The following YIPF1 variants were observed in gnomAD, a reference collection of about 807,000 sequenced individuals.
YIPF1 encodes the protein protein YIPF1.
Under a neutral mutation model 37.0 loss-of-function variants are expected in YIPF1, and 22 were observed. The ratio of observed to expected loss-of-function variants is 0.59; its 90% CI spans 0.42 to 0.85. The LOEUF is 0.85. YIPF1 is among the 40% of genes least tolerant of loss of function. The pLI, the probability that YIPF1 is intolerant of heterozygous loss-of-function variation, is 0.00. For missense variants in YIPF1, 355 were observed against 373.1 expected (o/e 0.95, Z 0.40); for synonymous variants, 128 against 131.9 (o/e 0.97, Z 0.21).
In YIPF1 at chr1:53,874,246, C is replaced by T. The variant is rs112296799; in HGVS notation, c.365-2758G>A. ...TGGAAGGCTGGACTCCAGAGACTTA[C>T]GACACCCACTCATCCCAGGACCTGC... On this transcript the variant is annotated intron_variant, in intron 6 of 10. Coordinates refer to ENST00000072644, the MANE Select transcript of YIPF1 (RefSeq NM_018982.5). 3.1e-3 allele frequency among the ~76,000 whole-genome samples: 478 copies of T among 152,238 alleles called. 3 individuals are homozygous for T. The highest frequency in any genetic ancestry group is 0.011 in the African/African-American group (460 of 41,552).
chr1:53,870,560 T>C (rs187941108), intron 7 of YIPF1, among the ~76,000 whole-genome samples: 2 of 152,260 alleles, frequency 1.3e-5, no homozygotes, highest in Non-Finnish European at 2.9e-5. Context: ...CTAGGTGCTT[T>C]GTGACTGGCA....
intron 9 of YIPF1, among the ~76,000 whole-genome samples, chr1:53,863,700 G>A (rs1240047133): frequency 6.6e-6 from 1 of 152,106 alleles, no homozygotes; most frequent in Non-Finnish European, 1.5e-5. Flanking sequence ...ATAGGCACAG[G>A]AGGTAAAAGG....
At chr1:53,863,553 G>C (rs1649941057) in intron 9 of YIPF1, among the ~76,000 whole-genome samples, 1 of 152,184 alleles carries the variant, frequency 6.6e-6, no homozygotes, top group Admixed American at 6.5e-5. Context: ...CAAGTCTCTT[G>C]CCTAGGTTTG....
chr1:53,886,031 C>A (rs781078030), intron 3 of YIPF1, among the ~76,000 whole-genome samples: 1 of 151,568 alleles, frequency 6.6e-6, no homozygotes, highest in African/African-American at 2.4e-5. Flanking sequence ...CAGTAGTTTA[C>A]CAGGGGGAAG....
chr1:53,866,146 C>A (rs1425740632), intron 9 of YIPF1, 54 bp downstream of exon 9: 3 of 1,580,236 alleles, frequency 1.9e-6, no homozygotes, highest in Admixed American at 1.8e-5. Flanking sequence ...AGTTTGAGGT[C>A]TTTTAGCATT....
intron 7 of YIPF1, 53 bp downstream of exon 7, chr1:53,871,319 A>T: frequency 6.5e-7 from 1 of 1,540,210 alleles, no homozygotes; most frequent in Non-Finnish European, 9.0e-7. Flanking sequence ...GGGTAAAAAG[A>T]ACTCAAAGCT....
intron 4 of YIPF1, among the ~76,000 whole-genome samples, chr1:53,879,340 C>T (rs898937648): frequency 2.0e-5 from 3 of 152,036 alleles, no homozygotes; most frequent in Non-Finnish European, 4.4e-5. Flanking sequence ...GTGATACTCC[C>T]GCCTCAGCCT....
At chr1:53,862,435 A>C (rs965007230) in intron 9 of YIPF1, among the ~76,000 whole-genome samples, 3 of 152,128 alleles carry the variant, frequency 2.0e-5, no homozygotes, top group Non-Finnish European at 4.4e-5. Flanking sequence ...CTCCCTGTAA[A>C]AGCCAGCAGT....
chr1:53,882,984 G>C, intron 4 of YIPF1, 129 bp downstream of exon 4: 1 of 1,045,022 alleles, frequency 9.6e-7, no homozygotes, highest in South Asian at 2.1e-5. Context: ...CACCAAGGAA[G>C]AGGCCATGTG....
intron 6 of YIPF1, among the ~76,000 whole-genome samples, chr1:53,877,774 C>T (rs1650370036): frequency 6.6e-6 from 1 of 152,212 alleles, no homozygotes; most frequent in African/African-American, 2.4e-5. Context: ...CTAAATTTGT[C>T]TCAAGTTGTA....
intron 7 of YIPF1, 84 bp downstream of exon 7, chr1:53,871,288 G>C (rs1342967276): frequency 3.3e-6 from 4 of 1,200,774 alleles, no homozygotes; most frequent in Non-Finnish European, 4.9e-6. Flanking sequence ...AGCATCTAGA[G>C]ATGGGGCCCA....
At chr1:53,876,982 G>T (rs1268449184) in intron 6 of YIPF1, among the ~76,000 whole-genome samples, 4 of 152,166 alleles carry the variant, frequency 2.6e-5, no homozygotes, top group Admixed American at 1.3e-4. Flanking sequence ...TTATCTCCAC[G>T]CTTGGCACTT....
At chr1:53,862,251 T>C (rs1361340370) in intron 9 of YIPF1, among the ~76,000 whole-genome samples, 2 of 152,208 alleles carry the variant, frequency 1.3e-5, no homozygotes, top group Non-Finnish European at 2.9e-5. Context: ...TAGACAACTA[T>C]GTGTCTGAGC....
chr1:53,866,679 G>A (rs1569616708), intron 8 of YIPF1, 79 bp downstream of exon 8: 5 of 1,472,210 alleles, frequency 3.4e-6, no homozygotes, highest in Non-Finnish European at 4.6e-6. Context: ...AAATAATGAT[G>A]GTAGGTCAAA....
At chr1:53,878,967 T>G (rs1360766599) in intron 4 of YIPF1, among the ~76,000 whole-genome samples, 1 of 152,210 alleles carries the variant, frequency 6.6e-6, no homozygotes, top group Non-Finnish European at 1.5e-5. Context: ...AGGGGAGCTT[T>G]GGCAAATCAC....
chr1:53,865,807 G>C (rs1305688496), intron 9 of YIPF1, among the ~76,000 whole-genome samples: 1 of 151,954 alleles, frequency 6.6e-6, no homozygotes, highest in African/African-American at 2.4e-5. Context: ...TTTTGAGACA[G>C]GGTCTCCCTC....
chr1:53,873,467 C>T (rs1307684317), intron 6 of YIPF1, among the ~76,000 whole-genome samples: 1 of 152,112 alleles, frequency 6.6e-6, no homozygotes, highest in Non-Finnish European at 1.5e-5. Flanking sequence ...AGAGTCAGAT[C>T]ATGAAGGGTC....
chr1:53,856,290 A>G (rs987647541), intron 10 of YIPF1, among the ~76,000 whole-genome samples: 1 of 152,244 alleles, frequency 6.6e-6, no homozygotes, highest in Admixed American at 6.5e-5. Flanking sequence ...CTCTTCTCAG[A>G]TGCTGCTCTG....
chr1:53,883,184 C>T lies in YIPF1; in HGVS notation c.124G>A (p.Gly42Arg). 2 of 1,601,824 alleles carry T rather than the reference C, an allele frequency of 1.2e-6. No homozygotes were observed. The highest frequency in any genetic ancestry group is 1.7e-6 in the Non-Finnish European group (2 of 1,174,932). The change falls in exon 4 of 11, where the codon GGA becomes AGA. Residue 42 changes from glycine to arginine, a missense_variant. Transcript: ENST00000072644. Reference sequence around the variant, plus strand: ...TCTCTTCCTGAGCCTCTTGGGGATCCTGGCTGATGTTTTGGGGTTTCACCA... The same window carrying T: ...TCTCTTCCTGAGCCTCTTGGGGATCTTGGCTGATGTTTTGGGGTTTCACCA... ...DPGETPKHQP[G>R]SPRGSGREED... is the part of the protein sequence containing the mutation.
Sources: gnomAD v4.1 joint callset for allele counts (sites outside exome capture counted in the v4.1 genomes callset) on GRCh38, gnomAD v4.1.1 for gene constraint, MANE v1.5 for transcripts, NCBI Gene and HGNC (gene_info 2026-07-23, HGNC 2026-07-21) for gene names.